Variants in CEP85 observed in about 807,000 individuals in gnomAD.
The protein encoded by CEP85 is centrosomal protein 85.
CEP85 carries 58 observed loss-of-function variants against 93.7 expected under a neutral mutation model. The ratio of observed to expected loss-of-function variants is 0.62; its 90% confidence interval spans 0.50 to 0.77. The LOEUF is 0.77. Among genes scored for constraint, CEP85 ranks in the 30% least tolerant of loss-of-function variants. The pLI, the probability that CEP85 is intolerant of heterozygous loss-of-function variation, is 0.00. For synonymous variants in CEP85, 314 were observed against 338.6 expected (o/e 0.93, Z 0.80); for missense variants, 868 against 922.0 (o/e 0.94, Z 0.76).
chr1:26,258,940 A>G (rs1463579273), intron 6 of CEP85, among the ~76,000 whole-genome samples: 1 of 152,064 alleles, frequency 6.6e-6, no homozygotes, highest in Non-Finnish European at 1.5e-5. Context: ...GAAGAAGATA[A>G]TATTCTCACT....
chr1:26,247,590 G>T (rs1220596921), intron 3 of CEP85, among the ~76,000 whole-genome samples: 1 of 152,014 alleles, frequency 6.6e-6, no homozygotes, highest in Non-Finnish European at 1.5e-5. Flanking sequence ...GGGTAGTGGG[G>T]ACCACATCTA....
At position 26,277,143 on chromosome 1, in the gene CEP85, C is replaced by T. The variant is rs965196552; in HGVS notation, c.2136C>T (p.His712=). 7.4e-6 allele frequency: 12 copies of T among 1,613,378 alleles called. No individual in the cohort carries two copies. Among genetic ancestry groups the T allele is most frequent in the Admixed American group, 1.7e-5 (1 of 60,006 alleles). ...LSLLLGIHSQ[H]PETQLDLQKP... is the part of the protein sequence containing the mutation. ...TGCTCTTCTCCCCAGCAGCACAGCACCCAGAGACTCAGCTAGATTTGCAGA... is the reference window on the plus strand; with the variant it reads ...TGCTCTTCTCCCCAGCAGCACAGCATCCAGAGACTCAGCTAGATTTGCAGA... Residue 712 remains histidine (H), a synonymous_variant, in exon 14 of 14, where the codon CAC becomes CAT. Coordinates refer to ENST00000451429, the MANE Select transcript of CEP85 (RefSeq NM_001319944.2).
At chr1:26,247,985 A>G (rs1036605799) in intron 3 of CEP85, among the ~76,000 whole-genome samples, 1 of 152,124 alleles carries the variant, frequency 6.6e-6, no homozygotes, top group Non-Finnish European at 1.5e-5. Flanking sequence ...TGATAGTTTG[A>G]CAACTATGTG....
intron 9 of CEP85, 31 bp downstream of exon 9, chr1:26,269,645 G>A (rs758283686): frequency 2.5e-6 from 4 of 1,587,772 alleles, no homozygotes; most frequent in Admixed American, 1.8e-5. Flanking sequence ...GAGAGGAGTG[G>A]AGAGTTAAGT....
At chr1:26,271,896 C>G (rs190252586) in intron 10 of CEP85, 125 bp from the exon 11 acceptor site, 7 of 777,804 alleles carry the variant, frequency 9.0e-6, no homozygotes, top group Non-Finnish European at 1.3e-5. Context: ...GTTCACTAAT[C>G]TTTATCCTGG....
In CEP85 at chr1:26,257,725, T is replaced by C. The variant is rs1386168409; in HGVS notation, c.1032T>C (p.Ile344=). The C allele has an allele frequency of 1.9e-6, 3 of 1,614,016 alleles. No individual in the cohort carries two copies. Among genetic ancestry groups the C allele is most frequent in the Non-Finnish European group, 1.7e-6 (2 of 1,179,970 alleles). ...EHLLKEKELL[I]DKQRKHISQL... Reference sequence around the variant, plus strand: ...TTCTGAAGGAAAAAGAGCTTCTCATTGACAAGTAAGAGGGCAAGGGGTACC... The same window carrying C: ...TTCTGAAGGAAAAAGAGCTTCTCATCGACAAGTAAGAGGGCAAGGGGTACC... The change falls in exon 5 of 14, where the codon ATT becomes ATC. Residue 344 remains isoleucine (I), a synonymous_variant. Transcript: ENST00000451429.
chr1:26,253,528 T>G (rs1223925975), intron 3 of CEP85, among the ~76,000 whole-genome samples: 1 of 151,834 alleles, frequency 6.6e-6, no homozygotes, highest in Non-Finnish European at 1.5e-5. Context: ...TAGCTGGGAC[T>G]ACAGGCGCGT....
At chr1:26,254,041 A>G (rs1293534231) in intron 3 of CEP85, among the ~76,000 whole-genome samples, 2 of 152,110 alleles carry the variant, frequency 1.3e-5, no homozygotes, top group Non-Finnish European at 2.9e-5. Context: ...ATCTATACTT[A>G]CATAATTCTG....
chr1:26,258,785 CG>C (rs1197651476), intron 6 of CEP85, among the ~76,000 whole-genome samples: 1 of 151,984 alleles, frequency 6.6e-6, no homozygotes, highest in Non-Finnish European at 1.5e-5. Context: ...TTAGTAGAGA[CG>C]GGGTTTCATC....
At chr1:26,257,994 T>C in intron 5 of CEP85, 149 bp from the exon 6 acceptor site, 2 of 726,190 alleles carry the variant, frequency 2.8e-6, no homozygotes, top group Non-Finnish European at 4.8e-6. Flanking sequence ...TTTCCCCAGT[T>C]ATCTTTCTCA....
chr1:26,235,490 C>G (rs550584197), intron 1 of CEP85, among the ~76,000 whole-genome samples: 1 of 151,848 alleles, frequency 6.6e-6, no homozygotes, highest in African/African-American at 2.4e-5. Context: ...TCTGTGTATC[C>G]CTTCAAATCC....
chr1:26,239,328 T>C (rs2089382354), intron 1 of CEP85, among the ~76,000 whole-genome samples: 1 of 152,178 alleles, frequency 6.6e-6, no homozygotes, highest in African/African-American at 2.4e-5. Context: ...TCCTTAGGAA[T>C]ATAACATTTA....
At chr1:26,236,992 G>T (rs560472800) in intron 1 of CEP85, among the ~76,000 whole-genome samples, 1 of 152,254 alleles carries the variant, frequency 6.6e-6, no homozygotes, top group East Asian at 1.9e-4. Context: ...GCTTTAGAGA[G>T]AATAGATTAT....
intron 2 of CEP85, among the ~76,000 whole-genome samples, chr1:26,240,127 G>A (rs188195663): frequency 3.3e-5 from 5 of 152,250 alleles, no homozygotes; most frequent in Admixed American, 3.3e-4. Flanking sequence ...GAAAAACACA[G>A]CATAAATTAC....
At chr1:26,236,549 T>G (rs755025663) in intron 1 of CEP85, among the ~76,000 whole-genome samples, 2 of 152,248 alleles carry the variant, frequency 1.3e-5, no homozygotes, top group Admixed American at 6.5e-5. Context: ...GTAGCTCATC[T>G]AATTCTTAAG....
chr1:26,263,242 CGAA>C, intron 7 of CEP85: 1 of 319,426 alleles, frequency 3.1e-6, no homozygotes, highest in Non-Finnish European at 6.0e-6. Context: ...GTGCTGTTGA[CGAA>C]GATCTTATAA....
chr1:26,269,670 A>G (rs2089944990), intron 9 of CEP85, 56 bp downstream of exon 9: 1 of 1,417,914 alleles, frequency 7.1e-7, no homozygotes, highest in Non-Finnish European at 9.8e-7. Flanking sequence ...TGTCATAGCC[A>G]TCCTGCTCAC....
At position 26,262,347 on chromosome 1, in the gene CEP85, G is replaced by C. The variant is rs2124594244; in HGVS notation, c.1341+2545G>C. On this transcript the variant is annotated intron_variant, in intron 7 of 13. Coordinates refer to ENST00000451429, the MANE Select transcript of CEP85 (RefSeq NM_001319944.2). ...GCAAAAATTAGCGGGGTATGGTGGT[G>C]GGCTCCTGTAACCTCAGCTACTTAA... Among the ~76,000 whole-genome samples, 3 of 152,012 alleles carry C rather than the reference G, an allele frequency of 2.0e-5. 1 individual carries two copies. Among genetic ancestry groups the C allele is most frequent in the Admixed American group, 2.0e-4 (3 of 15,234 alleles).
chr1:26,253,456 C>T (rs2089649979), intron 3 of CEP85, among the ~76,000 whole-genome samples: 1 of 148,906 alleles, frequency 6.7e-6, no homozygotes, highest in Admixed American at 6.7e-5. Context: ...GTAGTGCGAT[C>T]CTGGCTCATT....
Sources: allele counts gnomAD v4.1 joint callset (sites outside exome capture counted in the v4.1 genomes callset), GRCh38; gene constraint gnomAD v4.1.1; transcripts MANE v1.5; gene names NCBI Gene and HGNC (gene_info 2026-07-23, HGNC 2026-07-21).